Variants in ADAMTS5 observed in about 807,000 individuals in gnomAD.
ADAMTS5 encodes the protein A disintegrin and metalloproteinase with thrombospondin motifs 5.
Under a neutral mutation model 81.4 loss-of-function variants are expected in ADAMTS5, and 54 were observed. That is an observed-to-expected ratio of 0.66 (90% CI 0.53 to 0.83). The LOEUF (loss-of-function observed/expected upper bound fraction) is 0.83, where lower values mean the gene tolerates loss of function less well. Ranked by LOEUF, ADAMTS5 falls within the 40% of genes least tolerant of loss-of-function variation. The pLI, the probability that ADAMTS5 is intolerant of heterozygous loss-of-function variation, is 0.00. For missense variants in ADAMTS5, 1,194 were observed against 1,229.9 expected (o/e 0.97, Z 0.44); for synonymous variants, 532 against 508.8 (o/e 1.05, Z -0.61).
intron 2 of ADAMTS5, among the ~76,000 whole-genome samples, chr21:26,948,523 T>A (rs1252611521): frequency 6.6e-6 from 1 of 152,182 alleles, no homozygotes; most frequent in Non-Finnish European, 1.5e-5. Context: ...GGTTGAAAAG[T>A]GAGTCAACTG....
At chr21:26,946,341 C>CT (rs1338995803) in intron 2 of ADAMTS5, among the ~76,000 whole-genome samples, 1 of 152,210 alleles carries the variant, frequency 6.6e-6, no homozygotes, top group Admixed American at 6.5e-5. Context: ...CAAAAGTATA[C>CT]AAAAGTATAA....
intron 1 of ADAMTS5, among the ~76,000 whole-genome samples, chr21:26,956,659 A>AT (rs11430490): frequency 0.045 from 6,779 of 151,974 alleles, 329 homozygotes; most frequent in East Asian, 0.22. Flanking sequence ...ATCTGCACAC[A>AT]TTTTTTTTAA....
Position 26,958,267 on chromosome 21 carries a change from G to A in ADAMTS5, c.1105-3396C>T, listed in dbSNP as rs1474013136. Among the ~76,000 whole-genome samples, 5 of 152,136 alleles carry A rather than the reference G, an allele frequency of 3.3e-5. No homozygotes were observed. In the East Asian group the frequency reaches 9.7e-4, roughly 29 times the overall value. On this transcript the variant is annotated intron_variant, in intron 1 of 7. Transcript: ENST00000284987. Reference sequence around the variant, plus strand: ...AGCCACAGCAGCTGAAATTAAGGAAGAACACCTTATATCAGAGTTAAATAA... The same window carrying A: ...AGCCACAGCAGCTGAAATTAAGGAAAAACACCTTATATCAGAGTTAAATAA...
intron 2 of ADAMTS5, among the ~76,000 whole-genome samples, chr21:26,950,231 A>G (rs997268104): frequency 2.6e-5 from 4 of 152,244 alleles, no homozygotes; most frequent in Non-Finnish European, 5.9e-5. Context: ...ATTTGTCTAA[A>G]TAAAATCAGA....
At chr21:26,960,265 A>G (rs1987503508) in intron 1 of ADAMTS5, among the ~76,000 whole-genome samples, 1 of 152,178 alleles carries the variant, frequency 6.6e-6, no homozygotes. Flanking sequence ...CCAGTCCACT[A>G]CTTAGACCAG....
chr21:26,922,553 C>A lies in ADAMTS5; in HGVS notation c.*1500G>T, dbSNP rs1986719699. 6.6e-6 allele frequency: 1 copy of A among 152,030 alleles called. No homozygotes were observed. Among genetic ancestry groups the A allele is most frequent in the African/African-American group, 2.4e-5 (1 of 41,432 alleles). The allele number at this position is 152,030 out of a possible 1,614,324, so 9.4% of individuals were successfully genotyped here. Reference sequence around the variant, plus strand: ...AAGAAATCCCAAAGAAATCAAACAACTTAGATTTTCTAAGTTGTGAGGTTG... The same window carrying A: ...AAGAAATCCCAAAGAAATCAAACAAATTAGATTTTCTAAGTTGTGAGGTTG... On this transcript the variant is annotated 3_prime_UTR_variant, in exon 8 of 8. Transcript: ENST00000284987.
chr21:26,942,909 C>T (rs1292007567), intron 3 of ADAMTS5, among the ~76,000 whole-genome samples: 6 of 152,182 alleles, frequency 3.9e-5, no homozygotes, highest in Non-Finnish European at 7.4e-5. Flanking sequence ...CAGTGCAAAT[C>T]TAGAAAGCTT....
intron 1 of ADAMTS5, among the ~76,000 whole-genome samples, chr21:26,956,868 G>C: frequency 6.6e-6 from 1 of 152,118 alleles, no homozygotes; most frequent in Non-Finnish European, 1.5e-5. Context: ...TTGCTCATTA[G>C]AGGCCATCAA....
chr21:26,958,595 CAG>C (rs1987470674), intron 1 of ADAMTS5, among the ~76,000 whole-genome samples: 1 of 152,174 alleles, frequency 6.6e-6, no homozygotes, highest in African/African-American at 2.4e-5. Flanking sequence ...ACCAAACACA[CAG>C]AGCCCAGATG....
At chr21:26,957,633 G>T (rs778121042) in intron 1 of ADAMTS5, among the ~76,000 whole-genome samples, 3 of 152,070 alleles carry the variant, frequency 2.0e-5, no homozygotes, top group Non-Finnish European at 2.9e-5. Flanking sequence ...ATCAAATAAG[G>T]CTTGTTTTAT....
Position 26,924,199 on chromosome 21 carries a change from G to A in ADAMTS5, c.2647C>T (p.Pro883Ser), listed in dbSNP as rs1383495295. The part of the protein sequence containing the change: ...HTSQPQWVTG[P>S]WLACSRTCDT... ...CAGGTCCTAGAGCAGGCGAGCCATGGGCCCGTGACCCACTGCGGCTGCGAA... is the reference window on the plus strand; with the variant it reads ...CAGGTCCTAGAGCAGGCGAGCCATGAGCCCGTGACCCACTGCGGCTGCGAA... Residue 883 changes from proline (P) to serine (S), a missense_variant, in exon 8 of 8, where the codon CCA becomes TCA. This residue lies in a region of ADAMTS5 where 696 missense variants were observed against 817.6 expected (regional missense o/e 0.85). Coordinates refer to ENST00000284987, the MANE Select transcript of ADAMTS5 (RefSeq NM_007038.5). The A allele has an allele frequency of 6.2e-7, 1 of 1,614,196 alleles. No homozygotes were observed. Among genetic ancestry groups the A allele is most frequent in the Non-Finnish European group, 8.5e-7 (1 of 1,180,034 alleles).
At position 26,919,466 on chromosome 21, in the gene ADAMTS5, T is replaced by G. The variant is rs1986647228; in HGVS notation, c.*4587A>C. On this transcript the variant is annotated 3_prime_UTR_variant, in exon 8 of 8. Transcript: ENST00000284987. Reference sequence around the variant, plus strand: ...TTAACTGGGCTAACTAATGTGTATGTTAATGTCTTTTTTTTTTCAAAACCA... The same window carrying G: ...TTAACTGGGCTAACTAATGTGTATGGTAATGTCTTTTTTTTTTCAAAACCA... 1 of 123,124 alleles carries G rather than the reference T, an allele frequency of 8.1e-6. No individual in the cohort carries two copies. The highest frequency in any genetic ancestry group is 2.5e-4 in the South Asian group (1 of 4,074). 7.6% of individuals were successfully genotyped at this position (123,124 alleles called of 1,614,324 possible).
At position 26,920,298 on chromosome 21, in the gene ADAMTS5, T is replaced by G. The variant is rs1413523858; in HGVS notation, c.*3755A>C. On this transcript the variant is annotated 3_prime_UTR_variant, in exon 8 of 8. Transcript: ENST00000284987. ...TTGTTGCCAGGATCAGACTGTGAAATCACAGAGGCAAGCTGATGTCATCAG... is the reference window on the plus strand; with the variant it reads ...TTGTTGCCAGGATCAGACTGTGAAAGCACAGAGGCAAGCTGATGTCATCAG... The G allele has an allele frequency of 6.6e-6, 1 of 152,060 alleles. No individual in the cohort carries two copies. Among genetic ancestry groups the G allele is most frequent in the East Asian group, 1.9e-4 (1 of 5,174 alleles). The allele number at this position is 152,060 out of a possible 1,614,324, so 9.4% of individuals were successfully genotyped here.
At position 26,918,703 on chromosome 21, in the gene ADAMTS5, C is replaced by T. The variant is rs1176999351; in HGVS notation, c.*5350G>A. The T allele has an allele frequency of 6.6e-6, 1 of 151,824 alleles. No individual in the cohort carries two copies. Among genetic ancestry groups the T allele is most frequent in the Non-Finnish European group, 1.5e-5 (1 of 67,890 alleles). 9.4% of individuals were successfully genotyped at this position (151,824 alleles called of 1,614,324 possible). A position where few individuals can be genotyped will look rare whatever the true frequency, so the allele number is the denominator to read the frequency against. On this transcript the variant is annotated 3_prime_UTR_variant, in exon 8 of 8. Transcript: ENST00000284987. Reference sequence around the variant, plus strand: ...TGTTCTTCTATTGTAAATATACTCTCAGTATAGGTAGACGTGTTTCTAATA... The same window carrying T: ...TGTTCTTCTATTGTAAATATACTCTTAGTATAGGTAGACGTGTTTCTAATA...
In ADAMTS5 at chr21:26,919,636, T is replaced by A. The variant is rs1221632783; in HGVS notation, c.*4417A>T. The stretch of plus-strand genomic sequence containing the variant: ...TTCCAATTTTTTGGCTAATGCATGG[T>A]TTTGTATTTCAATATGTTCTCATAC... On this transcript the variant is annotated 3_prime_UTR_variant, in exon 8 of 8. Coordinates refer to ENST00000284987, the MANE Select transcript of ADAMTS5 (RefSeq NM_007038.5). The A allele has an allele frequency of 6.6e-6, 1 of 152,066 alleles. No individual in the cohort carries two copies. The highest frequency in any genetic ancestry group is 1.5e-5 in the Non-Finnish European group (1 of 67,974). The allele number at this position is 152,066 out of a possible 1,614,324, so 9.4% of individuals were successfully genotyped here. A position where few individuals can be genotyped will look rare whatever the true frequency, so the allele number is the denominator to read the frequency against.
Position 26,966,326 on chromosome 21 carries a change from G to T in ADAMTS5, c.66C>A (p.Pro22=). 1.3e-6 allele frequency: 2 copies of T among 1,510,038 alleles called. No homozygotes were observed. Among genetic ancestry groups the T allele is most frequent in the Non-Finnish European group, 8.8e-7 (1 of 1,137,592 alleles). 93.5% of individuals were successfully genotyped at this position (1,510,038 alleles called of 1,614,324 possible). A position where few individuals can be genotyped will look rare whatever the true frequency, so the allele number is the denominator to read the frequency against. ...CTTTATCCTGGGCAGGTGTCGCGGC[G>T]GGGCCGACCGCGGCCAGGGGCAGGC... The part of the protein sequence containing the change: ...AFRLPLAAVG[P]AATPAQDKAG... The change falls in exon 1 of 8, where the codon CCC becomes CCA. Residue 22 remains proline (P), a synonymous_variant. Transcript: ENST00000284987.
intron 3 of ADAMTS5, among the ~76,000 whole-genome samples, chr21:26,936,819 G>A (rs1237404560): frequency 1.3e-5 from 2 of 152,168 alleles, no homozygotes; most frequent in Admixed American, 6.5e-5. Context: ...AAGACAGAGT[G>A]CGATTAGGGC....
In ADAMTS5 at chr21:26,924,418, C is replaced by G. The variant is rs1275168164; in HGVS notation, c.2428G>C (p.Gly810Arg). 1 of 1,614,018 alleles carries G rather than the reference C, an allele frequency of 6.2e-7. No homozygotes were observed. Among genetic ancestry groups the G allele is most frequent in the African/African-American group, 1.3e-5 (1 of 74,924 alleles). The change falls in exon 8 of 8, where the codon GGT (glycine) becomes CGT (arginine). Residue 810 changes from glycine (G) to arginine (R), a missense_variant. Gly to Arg is a moderately radical substitution (Grantham distance 125). This residue lies in a region of ADAMTS5 where 696 missense variants were observed against 817.6 expected (regional missense o/e 0.85). Coordinates refer to ENST00000284987, the MANE Select transcript of ADAMTS5 (RefSeq NM_007038.5). ...DINGTVMNYS[G>R]WSHRDDFLHG... is the part of the protein sequence containing the mutation. ...AGGAAGTCATCCCTGTGGCTCCAAC[C>G]GCTATAGTTCATGACTGTTCCATTG...
chr21:26,941,312 G>T (rs1424145321), intron 3 of ADAMTS5, among the ~76,000 whole-genome samples: 1 of 151,932 alleles, frequency 6.6e-6, no homozygotes, highest in East Asian at 1.9e-4. Flanking sequence ...TAGTGCAAAT[G>T]AACAAGATCT....
Sources: allele counts gnomAD v4.1 joint callset (sites outside exome capture counted in the v4.1 genomes callset), GRCh38; gene constraint gnomAD v4.1.1; regional missense constraint gnomAD v4.1.1; transcripts MANE v1.5; gene names NCBI Gene and HGNC (gene_info 2026-07-23, HGNC 2026-07-21).